RABEP2: variants seen among roughly 807,000 people sequenced by gnomAD.
The protein encoded by RABEP2 is rabaptin, RAB GTPase binding effector protein 2, also known as rab GTPase-binding effector protein 2.
Under a neutral mutation model 74.1 loss-of-function variants are expected in RABEP2, and 57 were observed. The observed-to-expected ratio is 0.77, with a 90% CI of 0.62 to 0.96. RABEP2 has a LOEUF of 0.96. RABEP2 is among the 40% of genes least tolerant of loss of function. RABEP2 has a pLI of 0.00. For missense variants in RABEP2, 692 were observed against 756.3 expected (o/e 0.91, Z 1.00); for synonymous variants, 351 against 344.0 (o/e 1.02, Z -0.23).
At chr16:28,914,811 G>C in intron 3 of RABEP2, 29 bp from the exon 4 acceptor site, 1 of 1,600,258 alleles carries the variant, frequency 6.2e-7, no homozygotes, top group Non-Finnish European at 8.6e-7. Context: ...GGCAGCAATA[G>C]TTCCCCCTCC....
rs1378763621 is a variant in RABEP2, at chr16:28,919,934, C to T, written c.284G>A (p.Ser95Asn). Residue 95 changes from serine (S) to asparagine (N), a missense_variant, in exon 3 of 13, where the codon AGC becomes AAC. By Grantham distance (46) the Ser-to-Asn change is conservative. Coordinates refer to ENST00000358201, the MANE Select transcript of RABEP2 (RefSeq NM_024816.3). ...SLQAILKDSI[S>N]SYEAQITALK... The stretch of plus-strand genomic sequence containing the variant: ...GGCGGTGATCTGGGCTTCATAGCTG[C>T]TGATGGAGTCTGGTGGGGGAGAGGG... The T allele has an allele frequency of 6.8e-7, 1 of 1,476,154 alleles. No individual in the cohort carries two copies. The highest frequency in any genetic ancestry group is 1.4e-5 in the African/African-American group (1 of 70,786). The allele number at this position is 1,476,154 out of a possible 1,614,324, so 91.4% of individuals were successfully genotyped here.
At chr16:28,906,256 C>A in intron 8 of RABEP2, 60 bp from the exon 9 acceptor site, 1 of 1,482,936 alleles carries the variant, frequency 6.7e-7, no homozygotes, top group Admixed American at 2.4e-5. Context: ...GGGCAGGGGC[C>A]ACCAGCCAGA....
intron 3 of RABEP2, chr16:28,916,348 C>G (rs1964392350): frequency 6.6e-6 from 1 of 152,064 alleles, no homozygotes; most frequent in South Asian, 2.1e-4. Context: ...CTATACCAGT[C>G]CTGAAATGTC....
At position 28,906,150 on chromosome 16, in the gene RABEP2, C is replaced by A; in HGVS notation, c.1292G>T (p.Arg431Leu). The stretch of plus-strand genomic sequence containing the variant: ...GGCCCCGTGCTCCTGGGCCTGCAGC[C>A]GGGCCCTCGCCTCTTGCCGCGTGCA... The part of the protein sequence containing the change: ...LCCTRQEARA[R>L]LQAQEHGAER... Residue 431 changes from arginine to leucine, a missense_variant, in exon 9 of 13, where the codon CGG (arginine) becomes CTG (leucine). Physicochemically the swap from Arg to Leu is moderately radical, Grantham distance 102. Transcript: ENST00000358201. 1 of 1,587,120 alleles carries A rather than the reference C, an allele frequency of 6.3e-7. No individual in the cohort carries two copies. The highest frequency in any genetic ancestry group is 1.1e-5 in the South Asian group (1 of 88,084).
intron 3 of RABEP2, 40 bp downstream of exon 3, chr16:28,919,746 C>G (rs1481905750): frequency 2.5e-6 from 4 of 1,574,670 alleles, no homozygotes; most frequent in Non-Finnish European, 3.5e-6. Context: ...CAACATTCTT[C>G]CAAATCCCAG....
At position 28,904,905 on chromosome 16, in the gene RABEP2, C is replaced by T. The variant is rs200550459; in HGVS notation, c.*38G>A. 59 of 1,482,858 alleles carry T rather than the reference C, an allele frequency of 4.0e-5. No homozygotes were observed. The highest frequency in any genetic ancestry group is 1.1e-4 in the African/African-American group (8 of 72,520). 91.9% of individuals were successfully genotyped at this position (1,482,858 alleles called of 1,614,324 possible). On this transcript the variant is annotated 3_prime_UTR_variant, in exon 13 of 13. Transcript: ENST00000358201. ...CTCATGGTTCAGGAGTGGGGAAAGGCGTCTTTCCCAGGGTGGGGGTGGGGA... is the reference window on the plus strand; with the variant it reads ...CTCATGGTTCAGGAGTGGGGAAAGGTGTCTTTCCCAGGGTGGGGGTGGGGA...
intron 3 of RABEP2, 99 bp downstream of exon 3, chr16:28,919,687 G>T: frequency 2.2e-6 from 3 of 1,336,204 alleles, no homozygotes; most frequent in Non-Finnish European, 3.1e-6. Flanking sequence ...TAGAATCACT[G>T]CTGGGTGCCC....
At chr16:28,924,327 T>C in intron 2 of RABEP2, 76 bp downstream of exon 2, 1 of 1,412,822 alleles carries the variant, frequency 7.1e-7, no homozygotes, top group Non-Finnish European at 9.8e-7. Context: ...AGCTTATCTG[T>C]GCCCCCAATC....
At chr16:28,909,889 C>T (rs1469932091) in intron 7 of RABEP2, among the ~76,000 whole-genome samples, 1 of 151,540 alleles carries the variant, frequency 6.6e-6, no homozygotes, top group South Asian at 2.1e-4. Context: ...ATTAACCGGG[C>T]GTGGTGGCAG....
At chr16:28,924,280 A>G (rs1191118557) in intron 2 of RABEP2, 123 bp downstream of exon 2, 4 of 949,076 alleles carry the variant, frequency 4.2e-6, no homozygotes, top group Non-Finnish European at 6.3e-6. Flanking sequence ...GGCCATAGGC[A>G]TGCCCTGTGC....
At chr16:28,916,793 G>A (rs148084258) in intron 3 of RABEP2, among the ~76,000 whole-genome samples, 45 of 151,920 alleles carry the variant, frequency 3.0e-4, no homozygotes, top group African/African-American at 1.1e-3. Context: ...AGACCAGACT[G>A]GCCAACGTGG....
intron 2 of RABEP2, among the ~76,000 whole-genome samples, chr16:28,923,661 C>T (rs1964496998): frequency 6.6e-6 from 1 of 152,110 alleles, no homozygotes; most frequent in Non-Finnish European, 1.5e-5. Context: ...TCTCCAGCCA[C>T]CAGCAGCTGT....
At chr16:28,923,135 C>A (rs115114437) in intron 2 of RABEP2, among the ~76,000 whole-genome samples, 1 of 151,922 alleles carries the variant, frequency 6.6e-6, no homozygotes, top group South Asian at 2.1e-4. Flanking sequence ...TGGCCAGGCG[C>A]GGTGGCTCAC....
chr16:28,925,091 C>A lies in RABEP2; in HGVS notation c.61+12G>T. ...CACCGTTCCCCGCTTGCACGGACGC[C>A]CCCTCACGTACCAGCCCCCGGCCGC... On this transcript the variant is annotated intron_variant, in intron 1 of 12. Transcript: ENST00000358201. 6.5e-7 allele frequency: 1 copy of A among 1,548,814 alleles called. No individual in the cohort carries two copies.
chr16:28,904,462 G>C lies in RABEP2; in HGVS notation c.*481C>G, dbSNP rs753546968. On this transcript the variant is annotated 3_prime_UTR_variant, in exon 13 of 13. Coordinates refer to ENST00000358201, the MANE Select transcript of RABEP2 (RefSeq NM_024816.3). Reference sequence around the variant, plus strand: ...TTTATTGAAAATAAACGACGGAAAAGTCTGGCCTTGCCTCTGTGCAAGCTT... The same window carrying C: ...TTTATTGAAAATAAACGACGGAAAACTCTGGCCTTGCCTCTGTGCAAGCTT... 1.2e-5 allele frequency: 18 copies of C among 1,516,856 alleles called. No individual in the cohort carries two copies. The African/African-American group carries it at 1.9e-4, about 16-fold the overall frequency. The allele number at this position is 1,516,856 out of a possible 1,614,324, so 94.0% of individuals were successfully genotyped here. A position where few individuals can be genotyped will look rare whatever the true frequency, so the allele number is the denominator to read the frequency against.
intron 3 of RABEP2, among the ~76,000 whole-genome samples, chr16:28,919,275 C>T (rs1964436352): frequency 6.6e-6 from 1 of 152,218 alleles, no homozygotes; most frequent in South Asian, 2.1e-4. Context: ...CCTGCCTCAA[C>T]CTCCTGAGTA....
intron 8 of RABEP2, 75 bp from the exon 9 acceptor site, chr16:28,906,271 G>T: frequency 1.4e-6 from 2 of 1,462,150 alleles, no homozygotes; most frequent in Non-Finnish European, 1.8e-6. Flanking sequence ...GCCAGACGGG[G>T]ATTGTCGGGA....
chr16:28,909,340 G>A (rs1964279972), intron 7 of RABEP2, among the ~76,000 whole-genome samples: 1 of 152,084 alleles, frequency 6.6e-6, no homozygotes, highest in African/African-American at 2.4e-5. Flanking sequence ...GCCTCCCAAA[G>A]TGCTGGGATT....
At chr16:28,921,168 A>C in intron 2 of RABEP2, 1 of 455,758 alleles carries the variant, frequency 2.2e-6, no homozygotes, top group Middle Eastern at 3.4e-4. Flanking sequence ...CCGGCCCTTA[A>C]TCGTAGTAAT....
Sources: allele counts gnomAD v4.1 joint callset (sites outside exome capture counted in the v4.1 genomes callset), GRCh38; gene constraint gnomAD v4.1.1; transcripts MANE v1.5; gene names NCBI Gene and HGNC (gene_info 2026-07-23, HGNC 2026-07-21).